The following FAXDC2 variants were observed in gnomAD, a reference collection of about 807,000 sequenced individuals.
FAXDC2 encodes the protein fatty acid hydroxylase domain-containing protein 2.
FAXDC2 carries 41 observed loss-of-function variants against 40.9 expected under a neutral mutation model. That is an observed-to-expected ratio of 1.00 (90% CI 0.78 to 1.30). FAXDC2 has a LOEUF of 1.30. Ranked by LOEUF, FAXDC2 falls within the 50% of genes most tolerant of loss-of-function variation. The pLI is 0.00. For synonymous variants in FAXDC2, 157 were observed against 149.3 expected (o/e 1.05, Z -0.38); for missense variants, 390 against 408.8 (o/e 0.95, Z 0.40).
Position 154,830,918 on chromosome 5 carries a change from G to T in FAXDC2, c.249C>A (p.Ala83=). The change falls in exon 5 of 9, where the codon GCC becomes GCA. Residue 83 remains alanine (A), a synonymous_variant. Coordinates refer to ENST00000326080, the MANE Select transcript of FAXDC2 (RefSeq NM_032385.5). ...GKEWILFFIG[A]IQVPCLFFWS... ...AGAAGAAGAGACAAGGCACTTGGATGGCACCTGAGATTGGGAAACAGAAAC... is the reference window on the plus strand; with the variant it reads ...AGAAGAAGAGACAAGGCACTTGGATTGCACCTGAGATTGGGAAACAGAAAC... 6.2e-7 allele frequency: 1 copy of T among 1,613,660 alleles called. No individual in the cohort carries two copies. The highest frequency in any genetic ancestry group is 1.1e-5 in the South Asian group (1 of 91,060).
intron 1 of FAXDC2, among the ~76,000 whole-genome samples, chr5:154,845,203 C>T (rs75831238): frequency 0.11 from 16,889 of 152,174 alleles, 1,066 homozygotes; most frequent in African/African-American, 0.17. Flanking sequence ...CCTCTCTGCC[C>T]GCCTGCAGAC....
At chr5:154,832,941 A>G (rs1007083883) in intron 4 of FAXDC2, among the ~76,000 whole-genome samples, 4 of 152,222 alleles carry the variant, frequency 2.6e-5, no homozygotes, top group African/African-American at 4.8e-5. Flanking sequence ...AACAATCCTC[A>G]GGTGCATTTT....
chr5:154,820,959 C>G (rs888007245), intron 8 of FAXDC2: 6 of 346,338 alleles, frequency 1.7e-5, no homozygotes, highest in African/African-American at 1.1e-4. Flanking sequence ...AGATACATGA[C>G]TTCCTTGTGA....
In FAXDC2 at chr5:154,820,289, CA is replaced by C. The variant is rs1227495257; in HGVS notation, c.*26del. 2 of 1,567,702 alleles carry C rather than the reference CA, an allele frequency of 1.3e-6. No individual in the cohort carries two copies. Among genetic ancestry groups the C allele is most frequent in the East Asian group, 4.6e-5 (2 of 43,124 alleles). The stretch of plus-strand genomic sequence containing the variant: ...GTGTCTGCATCCCATGGCTGAGGGA[CA>C]GCCAGGATGACACTTAGGCTGTCTC... On this transcript the variant is annotated 3_prime_UTR_variant, in exon 9 of 9. Coordinates refer to ENST00000326080, the MANE Select transcript of FAXDC2 (RefSeq NM_032385.5).
intron 1 of FAXDC2, among the ~76,000 whole-genome samples, chr5:154,841,057 A>G (rs1002183806): frequency 6.6e-6 from 1 of 152,122 alleles, no homozygotes; most frequent in African/African-American, 2.4e-5. Flanking sequence ...GGCATCTGAT[A>G]TCCTGCCAGG....
intron 2 of FAXDC2, chr5:154,836,149 C>T (rs1412138055): frequency 6.6e-6 from 1 of 152,098 alleles, no homozygotes; most frequent in Non-Finnish European, 1.5e-5. Flanking sequence ...TCACCTGCCC[C>T]ATCCTCCCAA....
At chr5:154,829,956 A>C (rs1221333066) in intron 5 of FAXDC2, among the ~76,000 whole-genome samples, 1 of 152,220 alleles carries the variant, frequency 6.6e-6, no homozygotes, top group African/African-American at 2.4e-5. Flanking sequence ...CCAGCAGTCC[A>C]GTTCAGGAAG....
chr5:154,842,839 TA>T (rs368265291), intron 1 of FAXDC2, among the ~76,000 whole-genome samples: 42 of 149,554 alleles, frequency 2.8e-4, no homozygotes, highest in Admixed American at 2.3e-3. Flanking sequence ...CCTTTTTTTT[TA>T]AAAAAAAATA....
chr5:154,842,181 TTGTG>T (rs1005138208), intron 1 of FAXDC2, among the ~76,000 whole-genome samples: 3 of 151,806 alleles, frequency 2.0e-5, no homozygotes, highest in African/African-American at 7.3e-5. Flanking sequence ...TGTTGTTTGT[TTGTG>T]TGTTTTTTGT....
At chr5:154,825,404 A>T (rs569549467) in intron 5 of FAXDC2, among the ~76,000 whole-genome samples, 2 of 151,264 alleles carry the variant, frequency 1.3e-5, no homozygotes, top group South Asian at 4.2e-4. Flanking sequence ...CATGCCTGTA[A>T]TCCCAGCACT....
chr5:154,828,105 C>T (rs1188593659), intron 5 of FAXDC2, among the ~76,000 whole-genome samples: 1 of 151,776 alleles, frequency 6.6e-6, no homozygotes, highest in Non-Finnish European at 1.5e-5. Flanking sequence ...CTGCCTCAGA[C>T]TGCCAAAGTC....
intron 4 of FAXDC2, chr5:154,831,312 T>C (rs1561655501): frequency 5.9e-6 from 1 of 170,614 alleles, no homozygotes; most frequent in African/African-American, 2.4e-5. Context: ...CTCTGTATGG[T>C]ATGGGTCACA....
chr5:154,828,145 G>C (rs1760091468), intron 5 of FAXDC2, among the ~76,000 whole-genome samples: 1 of 151,620 alleles, frequency 6.6e-6, no homozygotes, highest in Non-Finnish European at 1.5e-5. Flanking sequence ...CACCACACCT[G>C]GCCTGTTTTA....
intron 2 of FAXDC2, among the ~76,000 whole-genome samples, chr5:154,837,270 CTTTT>C (rs113214394): frequency 3.3e-5 from 5 of 151,764 alleles, no homozygotes; most frequent in African/African-American, 1.2e-4. Flanking sequence ...GGAACTTGCT[CTTTT>C]TTTTGTTTTT....
rs554072890 is a variant in FAXDC2 at position 154,833,592 on chromosome 5, G to A, written c.244+1033C>T. ...TGGTCTCGAACCCCTGACTTCAAGT[G>A]ATCCACCTGCCTTGGCCTCCCAAAG... On this transcript the variant is annotated intron_variant, in intron 4 of 8. Transcript: ENST00000326080. Among the ~76,000 whole-genome samples, 25 of 152,266 alleles carry A rather than the reference G, an allele frequency of 1.6e-4. 1 individual carries two copies. Among genetic ancestry groups the A allele is most frequent in the African/African-American group, 5.8e-4 (24 of 41,548 alleles).
rs1760614102 is a variant in FAXDC2 at position 154,846,941 on chromosome 5, T to C, written c.-1+3542A>G. 2.6e-5 allele frequency among the ~76,000 whole-genome samples: 4 copies of C among 151,876 alleles called. No homozygotes were observed. In the South Asian group the frequency reaches 8.3e-4, roughly 31 times the overall value. On this transcript the variant is annotated intron_variant, in intron 1 of 8. Transcript: ENST00000326080. ...GGTTCTGGTTTTTTGTTTGTTTTTT[T>C]TTTAGTGTGAACCAAGGATTTTATT...
intron 5 of FAXDC2, among the ~76,000 whole-genome samples, chr5:154,825,650 C>CAAAAAAAAAAAAAAA (rs386358555): frequency 0.047 from 1,404 of 30,074 alleles, 514 homozygotes; most frequent in Non-Finnish European, 0.052. Context: ...GACTCCGTCT[C>CAAAAAAAAAAAAAAA]AAAAAAAAAA....
At chr5:154,839,257 C>T (rs1162565855) in intron 1 of FAXDC2, among the ~76,000 whole-genome samples, 2 of 147,678 alleles carry the variant, frequency 1.4e-5, no homozygotes. Flanking sequence ...ACCCGGGAGG[C>T]GGAGGTTGCA....
At chr5:154,840,740 A>T (rs373218546) in intron 1 of FAXDC2, among the ~76,000 whole-genome samples, 1 of 152,064 alleles carries the variant, frequency 6.6e-6, no homozygotes, top group East Asian at 1.9e-4. Flanking sequence ...TTGTAGAGAC[A>T]GTGTCTTACT....
Sources: allele counts gnomAD v4.1 joint callset (sites outside exome capture counted in the v4.1 genomes callset), GRCh38; gene constraint gnomAD v4.1.1; transcripts MANE v1.5; gene names NCBI Gene and HGNC (gene_info 2026-07-23, HGNC 2026-07-21).